The following POLG variants were observed in gnomAD, a reference collection of about 807,000 sequenced individuals.
POLG encodes DNA polymerase gamma, catalytic subunit, also known as DNA polymerase subunit gamma-1.
In POLG, 110 loss-of-function variants were observed where a neutral mutation model predicts 155.4. The ratio of observed to expected loss-of-function variants is 0.71; its 90% CI spans 0.61 to 0.83. The LOEUF is 0.83. POLG is among the 40% of genes least tolerant of loss of function. POLG has a pLI of 0.00. For synonymous variants in POLG, 701 were observed against 631.5 expected, an observed-to-expected ratio of 1.11 and a Z score of -1.65; for missense variants, 1,685 against 1,627.5, an observed-to-expected ratio of 1.04 and a Z score of -0.61.
chr15:89,323,225 G>A (rs1444187971), intron 13 of POLG, among the ~76,000 whole-genome samples, 179 bp downstream of exon 13: 3 of 152,150 alleles, frequency 2.0e-5, no homozygotes, highest in Admixed American at 1.3e-4. Flanking sequence ...CTTGCCACCC[G>A]ACTTTCATTA....
At position 89,325,161 on chromosome 15, in the gene POLG, AGTGAGTGAGAGAGTGAGAGAGTGAGT is replaced by A. The variant is rs1567189640; in HGVS notation, c.1949+263_1949+288del. Among the ~76,000 whole-genome samples, 5 of 98,500 alleles carry A rather than the reference AGTGAGTGAGAGAGTGAGAGAGTGAGT, an allele frequency of 5.1e-5. 2 individuals carry two copies. The highest frequency in any genetic ancestry group is 6.4e-5 in the Non-Finnish European group (3 of 47,038). 64.6% of individuals were successfully genotyped at this position (98,500 alleles called of 152,430 possible). ...GAGTGAGAGAGTGAGTGAGTGAGTG[AGTGAGTGAGAGAGTGAGAGAGTGAGT>A]GAGTGAGAGAGTGAGTGAGAGAGTG... is the stretch of plus-strand genomic sequence containing the variant. On this transcript the variant is annotated intron_variant, in intron 10 of 22. Coordinates refer to ENST00000268124, the MANE Select transcript of POLG (RefSeq NM_002693.3).
chr15:89,319,151 A>G (rs771282717), intron 19 of POLG, 52 bp from the exon 20 acceptor site: 2 of 1,614,028 alleles, frequency 1.2e-6, no homozygotes, highest in Non-Finnish European at 1.7e-6. Flanking sequence ...TCTCAAAGCT[A>G]AAAAACAAAG....
chr15:89,325,193 A>AGT (rs2055484998), intron 10 of POLG, among the ~76,000 whole-genome samples: 2 of 84,900 alleles, frequency 2.4e-5, no homozygotes, highest in South Asian at 4.3e-4. Context: ...TGAGTGAGTG[A>AGT]GAGAGTGAGT....
rs1411442124 is a variant in POLG at position 89,333,933 on chromosome 15, T to C, written c.-159-20A>G. 2 of 673,662 alleles carry C rather than the reference T, an allele frequency of 3.0e-6. No homozygotes were observed. Among genetic ancestry groups the C allele is most frequent in the Non-Finnish European group, 5.0e-6 (2 of 397,852 alleles). 41.7% of individuals were successfully genotyped at this position (673,662 alleles called of 1,614,324 possible). On this transcript the variant is annotated intron_variant, in intron 1 of 22. Coordinates refer to ENST00000268124, the MANE Select transcript of POLG (RefSeq NM_002693.3). ...CAAATCCTAAAGGAGACAGATGATA[T>C]AAAGCGTTATTTTACCATATATGTA...
At chr15:89,324,887 C>T (rs1255065967) in intron 10 of POLG, among the ~76,000 whole-genome samples, 1 of 152,188 alleles carries the variant, frequency 6.6e-6, no homozygotes, top group Non-Finnish European at 1.5e-5. Context: ...TGTAACAGCC[C>T]TCCGCATGTT....
At chr15:89,320,313 G>GA (rs2055376356) in intron 18 of POLG, among the ~76,000 whole-genome samples, 1 of 152,130 alleles carries the variant, frequency 6.6e-6, no homozygotes, top group African/African-American at 2.4e-5. Context: ...AAACAAATTG[G>GA]AGAGCTAGGC....
rs1060500774 is a variant in POLG, at chr15:89,333,360, C to T, written c.395G>A (p.Gly132Glu). The change falls in exon 2 of 23, where the codon GGG becomes GAG. Residue 132 changes from glycine (G) to glutamate (E), a missense_variant. Coordinates refer to ENST00000268124, the MANE Select transcript of POLG (RefSeq NM_002693.3). ...GCGGAAGTGCTGGTCCAGGTTGTCC[C>T]CGTAGAGGGGCGGCAGGCGCAGCTC... The part of the protein sequence containing the change: ...DVELRLPPLY[G>E]DNLDQHFRLL... The T allele has an allele frequency of 2.2e-5, 34 of 1,573,502 alleles. No individual in the cohort carries two copies. The highest frequency in any genetic ancestry group is 2.6e-5 in the Non-Finnish European group (30 of 1,162,290).
rs201749977 is a variant in POLG, at chr15:89,321,258, A to G, written c.2601T>C (p.Pro867=). The G allele has an allele frequency of 5.1e-5, 82 of 1,614,098 alleles. 2 individuals are homozygous for G. In the East Asian group the frequency reaches 8.7e-4, roughly 17 times the overall value. Residue 867 remains proline (P), a splice_region_variant and synonymous_variant, in exon 17 of 23, where the codon CCT becomes CCC. Transcript: ENST00000268124. ...CTTTCAACTCACTGCCTACTCGGTC[A>G]GGCTGTGGGAAGAGTGAGATACCCA... ...PTWLTASNAR[P]DRVGSELKAM... is the part of the protein sequence containing the mutation.
intron 2 of POLG, 86 bp downstream of exon 2, chr15:89,333,010 A>C (rs1477410344): frequency 6.7e-7 from 1 of 1,484,982 alleles, no homozygotes; most frequent in African/African-American, 1.4e-5. Context: ...CCAGCCCGTA[A>C]CAGGACCTCA....
At chr15:89,318,441 G>A (rs1157296501) in intron 21 of POLG, 100 bp downstream of exon 21, 8 of 892,182 alleles carry the variant, frequency 9.0e-6, no homozygotes, top group South Asian at 8.1e-5. Context: ...ACTTCTAGGG[G>A]GATGAAAAGT....
At position 89,333,409 on chromosome 15, in the gene POLG, G is replaced by A. The variant is rs771676521; in HGVS notation, c.346C>T (p.Pro116Ser). 16 of 1,604,396 alleles carry A rather than the reference G, an allele frequency of 1.0e-5. No homozygotes were observed. In the East Asian group the frequency reaches 3.6e-4, roughly 36 times the overall value. The change falls in exon 2 of 23, where the codon CCA (proline) becomes TCA (serine). Residue 116 changes from proline to serine, a missense_variant. By Grantham distance (74) the Pro-to-Ser change is moderately conservative. Coordinates refer to ENST00000268124, the MANE Select transcript of POLG (RefSeq NM_002693.3). ...HLQKHGLWGQ[P>S]AVPLPDVELR... ...TCCACGTCGGGCAAGGGCACGGCTG[G>A]CTGCCCCCAGAGCCCGTGCTTCTGC... is the stretch of plus-strand genomic sequence containing the variant.
intron 13 of POLG, 71 bp from the exon 14 acceptor site, chr15:89,322,973 C>T: frequency 6.9e-7 from 1 of 1,457,170 alleles, no homozygotes; most frequent in Non-Finnish European, 9.5e-7. Flanking sequence ...AACGTGAGTA[C>T]CTGCACTCCT....
At chr15:89,319,490 G>T in intron 18 of POLG, 140 bp from the exon 19 acceptor site, 2 of 1,157,332 alleles carry the variant, frequency 1.7e-6, no homozygotes, top group Non-Finnish European at 2.5e-6. Context: ...TTTATTCAGA[G>T]GAAGAAACGG....
At chr15:89,320,277 C>T (rs3176217) in intron 18 of POLG, among the ~76,000 whole-genome samples, 2 of 152,208 alleles carry the variant, frequency 1.3e-5, no homozygotes, top group South Asian at 4.1e-4. Flanking sequence ...AGGCCCTGAG[C>T]ACACAGTATG....
chr15:89,321,978 G>A lies in POLG; in HGVS notation c.2464C>T (p.Pro822Ser). ...AGACCATACCTGATCACAGCACGGG[G>A]CAGAGCTGACCTGGGCAGCCACACC... ...MVVWLPRSAL[P>S]RAVIRHPDYD... is the part of the protein sequence containing the mutation. The change falls in exon 15 of 23, where the codon CCC becomes TCC. Residue 822 changes from proline to serine, a missense_variant. Physicochemically the swap from Pro to Ser is moderately conservative, Grantham distance 74. Coordinates refer to ENST00000268124, the MANE Select transcript of POLG (RefSeq NM_002693.3). The A allele has an allele frequency of 6.2e-7, 1 of 1,614,116 alleles. No homozygotes were observed. The highest frequency in any genetic ancestry group is 8.5e-7 in the Non-Finnish European group (1 of 1,179,968).
intron 3 of POLG, 148 bp downstream of exon 3, chr15:89,329,933 A>C: frequency 1.4e-6 from 1 of 729,746 alleles, no homozygotes; most frequent in Non-Finnish European, 2.5e-6. Context: ...CAGAGACCAG[A>C]GGCACAGCTG....
At chr15:89,317,226 A>G (rs2055301451) in intron 22 of POLG, 150 bp downstream of exon 22, 7 of 707,748 alleles carry the variant, frequency 9.9e-6, no homozygotes. Context: ...CACTCTGGAC[A>G]CAGGGCACCT....
In POLG at chr15:89,325,387, T is replaced by C. The variant is rs564982031; in HGVS notation, c.1949+63A>G. 6.8e-5 allele frequency: 81 copies of C among 1,197,018 alleles called. 1 individual carries two copies. The East Asian group carries it at 1.9e-3, about 28-fold the overall frequency. The allele number at this position is 1,197,018 out of a possible 1,614,324, so 74.1% of individuals were successfully genotyped here. A position where few individuals can be genotyped will look rare whatever the true frequency, so the allele number is the denominator to read the frequency against. ...CCAAACTCTTTCCACTAGCCTGAGC[T>C]GACCAGCCAGGGGAAGGGGTCCCTA... On this transcript the variant is annotated intron_variant, in intron 10 of 22. Transcript: ENST00000268124.
intron 10 of POLG, 26 bp from the exon 11 acceptor site, chr15:89,324,253 A>AGCC (rs1279652322): frequency 6.2e-7 from 1 of 1,609,610 alleles, no homozygotes; most frequent in East Asian, 2.2e-5. Context: ...TAGCAGCAGC[A>AGCC]GCCGCTGATT....
Sources: gnomAD v4.1 joint callset for allele counts (sites outside exome capture counted in the v4.1 genomes callset) on GRCh38, gnomAD v4.1.1 for gene constraint, MANE v1.5 for transcripts, NCBI Gene and HGNC (gene_info 2026-07-23, HGNC 2026-07-21) for gene names.